VPS13B: variants seen among roughly 807,000 people sequenced by gnomAD.
The protein encoded by VPS13B is vacuolar protein sorting 13 homolog B.
A neutral mutation model predicts 426.4 loss-of-function variants in VPS13B; 285 were observed. The ratio of observed to expected loss-of-function variants is 0.67; its 90% CI spans 0.61 to 0.74. The LOEUF is 0.74. Among genes scored for constraint, VPS13B ranks in the 30% least tolerant of loss-of-function variants. The probability of loss-of-function intolerance (pLI) is 0.00; values close to 1 mark genes in which losing one functional copy is unlikely to be tolerated. For missense variants in VPS13B, 4,537 were observed against 4,782.6 expected, an observed-to-expected ratio of 0.95 and a Z score of 1.51; for synonymous variants, 1,676 against 1,676.4, an observed-to-expected ratio of 1.00 and a Z score of 0.01.
At chr8:99,829,172 G>C (rs1041174810) in intron 51 of VPS13B, among the ~76,000 whole-genome samples, 1 of 152,034 alleles carries the variant, frequency 6.6e-6, no homozygotes, top group Admixed American at 6.6e-5. Context: ...GGAAGTTCTG[G>C]ATAATATCCT....
chr8:99,354,074 G>T (rs1812047840), intron 19 of VPS13B, among the ~76,000 whole-genome samples: 1 of 151,682 alleles, frequency 6.6e-6, no homozygotes, highest in Admixed American at 6.6e-5. Flanking sequence ...TCCTGATTTT[G>T]TAACATGTTA....
chr8:99,431,407 A>T (rs1817104340), intron 21 of VPS13B, 130 bp from the exon 22 acceptor site: 2 of 1,195,690 alleles, frequency 1.7e-6, no homozygotes, highest in Non-Finnish European at 2.3e-6. Flanking sequence ...ATGTAAAATG[A>T]CAATTCATAA....
At chr8:99,683,415 A>C (rs765623612) in intron 35 of VPS13B, among the ~76,000 whole-genome samples, 1 of 152,094 alleles carries the variant, frequency 6.6e-6, no homozygotes, top group Non-Finnish European at 1.5e-5. Flanking sequence ...AATTCTGTGA[A>C]ATCTACAGAT....
intron 3 of VPS13B, among the ~76,000 whole-genome samples, chr8:99,066,767 A>G (rs1011953159): frequency 2.6e-5 from 4 of 152,258 alleles, no homozygotes; most frequent in Non-Finnish European, 5.9e-5. Context: ...ACAAAGGTCT[A>G]GTATCCAGAA....
intron 8 of VPS13B, among the ~76,000 whole-genome samples, chr8:99,129,691 CAAGTT>C (rs1809657139): frequency 6.6e-6 from 1 of 151,518 alleles, no homozygotes; most frequent in Admixed American, 6.6e-5. Flanking sequence ...TCAAGGATTA[CAAGTT>C]AAGTACCGTC....
chr8:99,038,552 A>G lies in VPS13B; in HGVS notation c.277A>G (p.Lys93Glu). The change falls in exon 3 of 62, where the codon AAG becomes GAG. Residue 93 changes from lysine to glutamate, a missense_variant. Transcript: ENST00000357162. ...TACTATGGAATGCATTTTGAAACTTAAGGATGGGATACAGGTAAGAAATTA... is the reference window on the plus strand; with the variant it reads ...TACTATGGAATGCATTTTGAAACTTGAGGATGGGATACAGGTAAGAAATTA... ...INTMECILKL[K>E]DGIQDDHESC... 6.2e-7 allele frequency: 1 copy of G among 1,612,772 alleles called. No homozygotes were observed. Among genetic ancestry groups the G allele is most frequent in the South Asian group, 1.1e-5 (1 of 91,008 alleles).
At chr8:99,258,700 C>G (rs563451768) in intron 17 of VPS13B, among the ~76,000 whole-genome samples, 23 of 152,110 alleles carry the variant, frequency 1.5e-4, no homozygotes, top group African/African-American at 4.3e-4. Flanking sequence ...GACTATATTA[C>G]TACCTGAAAG....
rs1846417297 is a variant in VPS13B at position 99,096,350 on chromosome 8, T to C, written c.330T>C (p.Arg110=). 6.2e-7 allele frequency: 1 copy of C among 1,614,112 alleles called. No individual in the cohort carries two copies. Among genetic ancestry groups the C allele is most frequent in the Non-Finnish European group, 8.5e-7 (1 of 1,179,976 alleles). ...GCTGTGGTTCTAATTCTACCAACCG[T>C]AGTACTGCTGAGAGCACAAAATCAT... is the stretch of plus-strand genomic sequence containing the variant. ...HESCGSNSTN[R]STAESTKSSI... Residue 110 remains arginine, a synonymous_variant, in exon 4 of 62, where the codon CGT becomes CGC. Transcript: ENST00000357162.
intron 20 of VPS13B, chr8:99,389,563 G>T (rs1814310398): frequency 1.3e-5 from 2 of 151,994 alleles, no homozygotes; most frequent in Admixed American, 1.3e-4. Flanking sequence ...GTAGATAAAA[G>T]AAAATGTTAT....
chr8:99,835,162 A>G (rs1815318566), intron 52 of VPS13B, 35 bp from the exon 53 acceptor site: 5 of 1,613,370 alleles, frequency 3.1e-6, no homozygotes, highest in Middle Eastern at 3.3e-4. Flanking sequence ...TTTTTTTCCT[A>G]AACATTTCTG....
intron 2 of VPS13B, among the ~76,000 whole-genome samples, chr8:99,029,277 G>A (rs1025679296): frequency 6.8e-6 from 1 of 147,556 alleles, no homozygotes; most frequent in African/African-American, 2.5e-5. Flanking sequence ...GGGCAGAGAC[G>A]CTCCTCACTT....
intron 13 of VPS13B, 136 bp downstream of exon 13, chr8:99,143,301 GTTTA>G (rs950764964): frequency 3.8e-6 from 4 of 1,061,576 alleles, no homozygotes; most frequent in African/African-American, 1.6e-5. Context: ...ATATGTAGCT[GTTTA>G]TTTAAAGAAT....
chr8:99,118,236 C>G (rs575853764), intron 7 of VPS13B, among the ~76,000 whole-genome samples: 1 of 152,132 alleles, frequency 6.6e-6, no homozygotes, highest in Non-Finnish European at 1.5e-5. Context: ...TATTCTGTTA[C>G]AATTGCTTCA....
chr8:99,054,349 T>G (rs1843722111), intron 3 of VPS13B, among the ~76,000 whole-genome samples: 1 of 152,260 alleles, frequency 6.6e-6, no homozygotes, highest in African/African-American at 2.4e-5. Flanking sequence ...TTCTGTTCTT[T>G]GGATAGTGTC....
chr8:99,809,295 C>T, intron 43 of VPS13B, 80 bp from the exon 44 acceptor site: 2 of 1,575,036 alleles, frequency 1.3e-6, no homozygotes, highest in Non-Finnish European at 8.7e-7. Context: ...GAAAGGTTTT[C>T]CAGCAATGAG....
chr8:99,465,364 G>T (rs1819058971), intron 23 of VPS13B, among the ~76,000 whole-genome samples: 1 of 148,882 alleles, frequency 6.7e-6, no homozygotes, highest in Non-Finnish European at 1.5e-5. Flanking sequence ...AAAACAATCT[G>T]TATGCTAAAT....
At chr8:99,236,733 T>C (rs1816671335) in intron 17 of VPS13B, among the ~76,000 whole-genome samples, 1 of 152,190 alleles carries the variant, frequency 6.6e-6, no homozygotes, top group African/African-American at 2.4e-5. Flanking sequence ...ATTCACCCTA[T>C]AAAATCACCT....
intron 3 of VPS13B, among the ~76,000 whole-genome samples, chr8:99,085,738 G>T (rs953011271): frequency 6.6e-6 from 1 of 152,100 alleles, no homozygotes. Context: ...TGAAATTCTG[G>T]GTTGAAAATT....
chr8:99,483,682 C>T lies in VPS13B; in HGVS notation c.3870+1880C>T, dbSNP rs189202895. Among the ~76,000 whole-genome samples the T allele has an allele frequency of 6.3e-3, 952 of 152,258 alleles. 7 individuals carry two copies. The highest frequency in any genetic ancestry group is 0.021 in the African/African-American group (893 of 41,560). On this transcript the variant is annotated intron_variant, in intron 25 of 61. Coordinates refer to ENST00000357162, the MANE Select transcript of VPS13B (RefSeq NM_152564.5). ...GAGTGTTCCATTAAACAGTTGTTTT[C>T]TAAGTACTGTGTGTACAGGAATGTC...
Sources: allele counts gnomAD v4.1 joint callset (sites outside exome capture counted in the v4.1 genomes callset), GRCh38; gene constraint gnomAD v4.1.1; transcripts MANE v1.5; gene names NCBI Gene and HGNC (gene_info 2026-07-23, HGNC 2026-07-21).